Variants in UVRAG observed in about 807,000 individuals in gnomAD.
UVRAG encodes UV radiation resistance associated.
A neutral mutation model predicts 78.0 loss-of-function variants in UVRAG; 19 were observed. The observed-to-expected ratio is 0.24, with a 90% confidence interval of 0.17 to 0.36. UVRAG has a LOEUF of 0.36. UVRAG is among the 10% of genes least tolerant of loss of function. The probability of loss-of-function intolerance (pLI) is 1.00; values close to 1 mark genes in which losing one functional copy is unlikely to be tolerated. For missense variants in UVRAG, 740 were observed against 853.8 expected, an observed-to-expected ratio of 0.87 and a Z score of 1.66; for synonymous variants, 323 against 324.6, an observed-to-expected ratio of 1.00 and a Z score of 0.05.
At chr11:75,876,514 C>T (rs552123582) in intron 3 of UVRAG, among the ~76,000 whole-genome samples, 32 of 152,318 alleles carry the variant, frequency 2.1e-4, no homozygotes, top group Admixed American at 3.9e-4. Flanking sequence ...TAGTGAGATA[C>T]AGACTGGAGG....
chr11:76,087,464 T>C (rs1007868010), intron 13 of UVRAG, among the ~76,000 whole-genome samples: 5 of 152,178 alleles, frequency 3.3e-5, no homozygotes, highest in African/African-American at 9.7e-5. Flanking sequence ...CATACACCAA[T>C]GTAAATGGCT....
chr11:75,997,113 C>T (rs1029684422), intron 8 of UVRAG, among the ~76,000 whole-genome samples: 3 of 152,182 alleles, frequency 2.0e-5, no homozygotes, highest in Admixed American at 6.5e-5. Context: ...TATCTGTTAA[C>T]CCTTGAGAAA....
intron 14 of UVRAG, among the ~76,000 whole-genome samples, chr11:76,125,155 T>G (rs1952361232): frequency 6.6e-6 from 1 of 152,226 alleles, no homozygotes; most frequent in African/African-American, 2.4e-5. Context: ...TAAATTTAGA[T>G]CAAATAACAT....
intron 12 of UVRAG, among the ~76,000 whole-genome samples, chr11:76,037,756 A>T (rs1027834953): frequency 6.6e-6 from 1 of 152,114 alleles, no homozygotes; most frequent in Non-Finnish European, 1.5e-5. Context: ...CTGGAACCAG[A>T]TAATGAGAGT....
chr11:76,077,680 T>C (rs1951427646), intron 13 of UVRAG, among the ~76,000 whole-genome samples: 1 of 152,186 alleles, frequency 6.6e-6, no homozygotes, highest in Non-Finnish European at 1.5e-5. Context: ...GGGTGAGTCT[T>C]TTGCTCATAG....
At chr11:75,892,333 C>G in intron 5 of UVRAG, 1 of 985,422 alleles carries the variant, frequency 1.0e-6, no homozygotes, top group Non-Finnish European at 1.2e-6. Flanking sequence ...CTTTCATGAC[C>G]TTTTCTCCTG....
intron 1 of UVRAG, among the ~76,000 whole-genome samples, chr11:75,839,852 C>CATATATATAT (rs547913913): frequency 5.6e-4 from 84 of 150,070 alleles, no homozygotes; most frequent in African/African-American, 1.9e-3. Flanking sequence ...CACCCCCACA[C>CATATATATAT]ATATATATAT....
chr11:75,951,359 GTA>G (rs987229092), intron 6 of UVRAG, among the ~76,000 whole-genome samples: 264 of 118,870 alleles, frequency 2.2e-3, no homozygotes, highest in East Asian at 6.1e-3. Flanking sequence ...GTGTGTGTGT[GTA>G]TATATTTTTT....
At chr11:75,972,830 T>C (rs1949151301) in intron 7 of UVRAG, among the ~76,000 whole-genome samples, 1 of 152,226 alleles carries the variant, frequency 6.6e-6, no homozygotes, top group African/African-American at 2.4e-5. Context: ...CACTTGTTCA[T>C]TGCTGTTACA....
intron 12 of UVRAG, among the ~76,000 whole-genome samples, chr11:76,042,193 A>G (rs1180725678): frequency 6.6e-6 from 1 of 152,240 alleles, no homozygotes; most frequent in East Asian, 1.9e-4. Context: ...AATATTGAAC[A>G]TCCATAAGAT....
intron 6 of UVRAG, among the ~76,000 whole-genome samples, chr11:75,953,826 C>T (rs1157178431): frequency 6.6e-6 from 1 of 152,128 alleles, no homozygotes; most frequent in African/African-American, 2.4e-5. Context: ...TATCGGATAG[C>T]TATTTGATCT....
intron 12 of UVRAG, among the ~76,000 whole-genome samples, chr11:76,030,351 C>T (rs1483193050): frequency 1.3e-5 from 2 of 152,094 alleles, no homozygotes; most frequent in Non-Finnish European, 2.9e-5. Context: ...AACTTTTCTG[C>T]AGTGGTTTGG....
chr11:75,845,552 A>G (rs1002428015), intron 1 of UVRAG, among the ~76,000 whole-genome samples: 1 of 152,222 alleles, frequency 6.6e-6, no homozygotes, highest in Non-Finnish European at 1.5e-5. Context: ...GCTGGATTCT[A>G]TTATCCTAAG....
chr11:76,030,152 A>C (rs1387278380), intron 12 of UVRAG, among the ~76,000 whole-genome samples: 1 of 152,170 alleles, frequency 6.6e-6, no homozygotes, highest in African/African-American at 2.4e-5. Flanking sequence ...GGGAAACAAA[A>C]AAAAAACTGT....
rs780162571 is a variant in UVRAG, at chr11:75,851,927, T to C, written c.162T>C (p.Val54=). ...HLRNIAARNI[V]NRNGHQLLDT... is the part of the protein sequence containing the mutation. ...GGAACATTGCTGCCCGGAACATTGT[T>C]AATAGAAATGGCCATCAGCTCCTTG... Residue 54 remains valine, a synonymous_variant, in exon 2 of 15, where the codon GTT becomes GTC. Coordinates refer to ENST00000356136, the MANE Select transcript of UVRAG (RefSeq NM_003369.4). 1.1e-5 allele frequency: 17 copies of C among 1,614,114 alleles called. No individual in the cohort carries two copies. The highest frequency in any genetic ancestry group is 1.4e-5 in the Non-Finnish European group (16 of 1,179,992).
chr11:75,880,062 C>A, intron 4 of UVRAG, 22 bp downstream of exon 4: 1 of 1,611,488 alleles, frequency 6.2e-7, no homozygotes, highest in South Asian at 1.1e-5. Context: ...ACTGTAGTTT[C>A]AAGTAGTTGT....
intron 13 of UVRAG, among the ~76,000 whole-genome samples, chr11:76,078,937 A>G (rs1203989004): frequency 6.6e-6 from 1 of 151,812 alleles, no homozygotes. Flanking sequence ...TCAGAAAAAA[A>G]AGAAATTTCA....
intron 3 of UVRAG, among the ~76,000 whole-genome samples, chr11:75,877,856 C>CG (rs1425026789): frequency 2.9e-5 from 4 of 136,414 alleles, no homozygotes; most frequent in African/African-American, 8.4e-5. Context: ...GCTGGCCGGG[C>CG]GGGGGGCTGA....
intron 11 of UVRAG, among the ~76,000 whole-genome samples, chr11:76,015,175 A>C (rs1950124023): frequency 6.6e-6 from 1 of 152,164 alleles, no homozygotes; most frequent in Admixed American, 6.5e-5. Context: ...CACGTGTGTC[A>C]TATGCTTGGT....
Sources: gnomAD v4.1 joint callset for allele counts (sites outside exome capture counted in the v4.1 genomes callset) on GRCh38, gnomAD v4.1.1 for gene constraint, MANE v1.5 for transcripts, NCBI Gene and HGNC (gene_info 2026-07-23, HGNC 2026-07-21) for gene names.